Variants in BMERB1 observed in about 807,000 individuals in gnomAD.
BMERB1 encodes bMERB domain-containing protein 1.
A neutral mutation model predicts 23.6 loss-of-function variants in BMERB1; 12 were observed. The observed-to-expected ratio is 0.51, with a 90% CI of 0.33 to 0.82. The LOEUF (loss-of-function observed/expected upper bound fraction) is 0.82. Ranked by LOEUF, BMERB1 falls within the 40% of genes least tolerant of loss-of-function variation. The probability of loss-of-function intolerance (pLI) is 0.03; values close to 1 mark genes in which losing one functional copy is unlikely to be tolerated. For synonymous variants in BMERB1, 122 were observed against 96.6 expected, an observed-to-expected ratio of 1.26 and a Z score of -1.54; for missense variants, 247 against 255.4, an observed-to-expected ratio of 0.97 and a Z score of 0.22.
intron 1 of BMERB1, 129 bp downstream of exon 1, chr16:15,434,888 G>A (rs1339586376): frequency 2.7e-6 from 2 of 742,070 alleles, no homozygotes; most frequent in African/African-American, 3.6e-5. Context: ...GGGGCTGGCA[G>A]CTCAGGGGGA....
At chr16:15,448,929 G>A (rs1326381797) in intron 1 of BMERB1, among the ~76,000 whole-genome samples, 4 of 152,174 alleles carry the variant, frequency 2.6e-5, no homozygotes, top group Non-Finnish European at 4.4e-5. Context: ...AATGGGAACC[G>A]GCAGCCAAGT....
At chr16:15,567,724 C>T (rs1343175932) in intron 2 of BMERB1, among the ~76,000 whole-genome samples, 1 of 152,148 alleles carries the variant, frequency 6.6e-6, no homozygotes, top group Non-Finnish European at 1.5e-5. Context: ...GATCATGCCA[C>T]TGCACTCCAG....
At chr16:15,548,719 A>G (rs1378760554) in intron 2 of BMERB1, among the ~76,000 whole-genome samples, 4 of 152,226 alleles carry the variant, frequency 2.6e-5, no homozygotes, top group East Asian at 1.9e-4. Context: ...TCGCTTGCCT[A>G]CAAAGGAGAC....
intron 1 of BMERB1, among the ~76,000 whole-genome samples, chr16:15,463,676 C>G (rs2051156242): frequency 6.6e-6 from 1 of 152,110 alleles, no homozygotes; most frequent in African/African-American, 2.4e-5. Context: ...CTTACATGCT[C>G]CCCAAAAGAT....
At chr16:15,535,515 T>G (rs982802438) in intron 2 of BMERB1, among the ~76,000 whole-genome samples, 6 of 151,802 alleles carry the variant, frequency 4.0e-5, no homozygotes, top group Non-Finnish European at 8.8e-5. Flanking sequence ...GTGACTACAG[T>G]GGTGTGTCCC....
chr16:15,553,015 A>G (rs1311447893), intron 2 of BMERB1, among the ~76,000 whole-genome samples: 1 of 151,956 alleles, frequency 6.6e-6, no homozygotes, highest in Non-Finnish European at 1.5e-5. Context: ...TCTCTACCAG[A>G]CATTTTTTTT....
chr16:15,550,499 A>AT lies in BMERB1; in HGVS notation c.231-17467dup, dbSNP rs1291834316. Among the ~76,000 whole-genome samples, 1,048 of 141,120 alleles carry AT rather than the reference A, an allele frequency of 7.4e-3. 3 individuals carry two copies. The highest frequency in any genetic ancestry group is 0.012 in the Admixed American group (170 of 13,898). 92.6% of individuals were successfully genotyped at this position (141,120 alleles called of 152,430 possible). ...AGGTGCCCACCACCATGCCTGGCTA[A>AT]TTTTTTTTTTTTTTTTTAAGTAGAG... On this transcript the variant is annotated intron_variant, in intron 2 of 5. Transcript: ENST00000300006.
At chr16:15,496,893 G>A (rs1019178923) in intron 1 of BMERB1, among the ~76,000 whole-genome samples, 1 of 152,126 alleles carries the variant, frequency 6.6e-6, no homozygotes, top group African/African-American at 2.4e-5. Flanking sequence ...CTTGTCCAGG[G>A]GCACAAAGCC....
chr16:15,580,693 A>G (rs113991846), intron 3 of BMERB1, among the ~76,000 whole-genome samples: 9,140 of 150,562 alleles, frequency 0.061, 937 homozygotes, highest in African/African-American at 0.21. Flanking sequence ...GACTACAGGC[A>G]CCCGCCACCA....
intron 2 of BMERB1, among the ~76,000 whole-genome samples, chr16:15,535,821 G>A (rs1223108533): frequency 6.6e-6 from 1 of 151,996 alleles, no homozygotes; most frequent in African/African-American, 2.4e-5. Flanking sequence ...TCGCATGGCT[G>A]GGGAGGCCTC....
intron 2 of BMERB1, among the ~76,000 whole-genome samples, chr16:15,525,413 C>T: frequency 6.6e-6 from 1 of 152,048 alleles, no homozygotes; most frequent in African/African-American, 2.4e-5. Flanking sequence ...TATCATAAAT[C>T]TTTTTCCAGG....
chr16:15,514,975 G>A (rs937362285), intron 1 of BMERB1, among the ~76,000 whole-genome samples: 4 of 152,052 alleles, frequency 2.6e-5, no homozygotes, highest in African/African-American at 7.2e-5. Context: ...CCAGCTACTC[G>A]GGAGGCTGAG....
intron 1 of BMERB1, among the ~76,000 whole-genome samples, chr16:15,514,176 G>A (rs1051812682): frequency 3.9e-5 from 6 of 152,092 alleles, no homozygotes; most frequent in African/African-American, 1.4e-4. Flanking sequence ...GACTGAGGCG[G>A]AAGGGTCCCT....
chr16:15,570,268 A>G (rs1442316563), intron 3 of BMERB1, among the ~76,000 whole-genome samples: 1 of 152,168 alleles, frequency 6.6e-6, no homozygotes, highest in African/African-American at 2.4e-5. Context: ...TCCACTCTCA[A>G]GGAGCCCCCA....
rs149939931 is a variant in BMERB1, at chr16:15,512,434, G to A, written c.107-2871G>A. Reference sequence around the variant, plus strand: ...GGGCCCCAGGACATAGAAGGCAGTTGGACAGGTAGAAACAGGACAACTTTC... The same window carrying A: ...GGGCCCCAGGACATAGAAGGCAGTTAGACAGGTAGAAACAGGACAACTTTC... On this transcript the variant is annotated intron_variant, in intron 1 of 5. Transcript: ENST00000300006. 2.8e-3 allele frequency among the ~76,000 whole-genome samples: 432 copies of A among 152,212 alleles called. 5 individuals are homozygous for A. The highest frequency in any genetic ancestry group is 9.4e-3 in the African/African-American group (389 of 41,538).
At chr16:15,523,905 G>C (rs1322766072) in intron 2 of BMERB1, among the ~76,000 whole-genome samples, 1 of 152,202 alleles carries the variant, frequency 6.6e-6, no homozygotes, top group African/African-American at 2.4e-5. Context: ...ATTCACTGTG[G>C]TTTCCTTGAG....
intron 3 of BMERB1, among the ~76,000 whole-genome samples, chr16:15,570,177 A>G (rs1182861246): frequency 6.6e-6 from 1 of 152,174 alleles, no homozygotes; most frequent in African/African-American, 2.4e-5. Flanking sequence ...TGTCAGTTCA[A>G]TAACTATGTC....
chr16:15,579,345 G>A (rs368313224), intron 3 of BMERB1, among the ~76,000 whole-genome samples: 3 of 152,130 alleles, frequency 2.0e-5, no homozygotes, highest in African/African-American at 4.8e-5. Context: ...GATTTACCAC[G>A]GCAGGAGCAG....
intron 1 of BMERB1, among the ~76,000 whole-genome samples, chr16:15,488,239 G>T (rs1484967347): frequency 6.6e-6 from 1 of 152,182 alleles, no homozygotes; most frequent in Non-Finnish European, 1.5e-5. Flanking sequence ...ATTTATAGAT[G>T]CTGAAATCTG....
Sources: gnomAD v4.1 joint callset for allele counts (sites outside exome capture counted in the v4.1 genomes callset) on GRCh38, gnomAD v4.1.1 for gene constraint, MANE v1.5 for transcripts, NCBI Gene and HGNC (gene_info 2026-07-23, HGNC 2026-07-21) for gene names.